PEA15: variants seen among roughly 807,000 people sequenced by gnomAD.
PEA15 encodes astrocytic phosphoprotein PEA-15.
For missense variants in PEA15, 77 were observed against 161.3 expected (o/e 0.48, Z 2.83); for synonymous variants, 60 against 61.8 (o/e 0.97, Z 0.13).
rs1803942 is a variant in PEA15 at position 160,214,150 on chromosome 1, C to G, written c.*664C>G. The G allele has an allele frequency of 0.069, 10,650 of 154,504 alleles. 1,282 individuals carry two copies. Among genetic ancestry groups the G allele is most frequent in the African/African-American group, 0.24 (10,081 of 41,434 alleles). 9.6% of individuals were successfully genotyped at this position (154,504 alleles called of 1,614,324 possible). A position where few individuals can be genotyped will look rare whatever the true frequency, so the allele number is the denominator to read the frequency against. On this transcript the variant is annotated 3_prime_UTR_variant, in exon 4 of 4. Transcript: ENST00000360472. ...CCCACCCACCTGTACTCTGGAGAGA[C>G]TGTGCTGGGAACATGTACCACTGAG...
In PEA15 at chr1:160,213,748, G is replaced by C. The variant is rs1255306230; in HGVS notation, c.*262G>C. The C allele has an allele frequency of 8.4e-6, 4 of 474,218 alleles. No individual in the cohort carries two copies. The East Asian group carries it at 1.1e-4, about 14-fold the overall frequency. 29.4% of individuals were successfully genotyped at this position (474,218 alleles called of 1,614,324 possible). A position where few individuals can be genotyped will look rare whatever the true frequency, so the allele number is the denominator to read the frequency against. On this transcript the variant is annotated 3_prime_UTR_variant, in exon 4 of 4. Coordinates refer to ENST00000360472, the MANE Select transcript of PEA15 (RefSeq NM_003768.5). This position sits in a 1 kb window ranked among gnomAD's most constrained non-coding sequence, Gnocchi z 5.3. ...AGTTTCCCCACTTTAGGAGGAGGTG[G>C]GGGCTATTTCTATGCAAATAGAAAT...
rs1654992512 is a variant in PEA15, at chr1:160,214,046, G to A, written c.*560G>A. On this transcript the variant is annotated 3_prime_UTR_variant, in exon 4 of 4. Coordinates refer to ENST00000360472, the MANE Select transcript of PEA15 (RefSeq NM_003768.5). ...AGCAGGTCCCTTTTTGTCTCTCATG[G>A]GCCTAGCATAGGTATGAGCCAGGGA... is the stretch of plus-strand genomic sequence containing the variant. 6.2e-6 allele frequency: 1 copy of A among 161,294 alleles called. No homozygotes were observed. Among genetic ancestry groups the A allele is most frequent in the African/African-American group, 2.4e-5 (1 of 41,446 alleles). The allele number at this position is 161,294 out of a possible 1,614,324, so 10.0% of individuals were successfully genotyped here.
intron 2 of PEA15, 92 bp downstream of exon 2, chr1:160,211,808 A>G: frequency 8.1e-7 from 1 of 1,229,332 alleles, no homozygotes; most frequent in South Asian, 1.4e-5. Context: ...TTACATCCAC[A>G]ATGTGTACCC....
intron 1 of PEA15, among the ~76,000 whole-genome samples, chr1:160,209,559 T>C (rs964871248): frequency 9.9e-5 from 15 of 152,034 alleles, no homozygotes; most frequent in African/African-American, 3.1e-4. Flanking sequence ...ATGCACTCTT[T>C]CCTCCCGCAG....
At chr1:160,211,456 T>C in intron 1 of PEA15, 87 bp from the exon 2 acceptor site, 2 of 1,423,682 alleles carry the variant, frequency 1.4e-6, no homozygotes, top group Non-Finnish European at 1.9e-6. Flanking sequence ...TAGGGCAGAG[T>C]GGGGAGTAGG....
chr1:160,208,704 C>T lies in PEA15; in HGVS notation c.-2-2839C>T. On this transcript the variant is annotated intron_variant, in intron 1 of 3. Transcript: ENST00000360472. This position sits in a 1 kb window ranked among gnomAD's most constrained non-coding sequence, Gnocchi z 4.1. ...TCAGTGAGAATTGAGAGCAGTTCCCCTAAACAACACTCCCTTTGCTTCTTC... is the reference window on the plus strand; with the variant it reads ...TCAGTGAGAATTGAGAGCAGTTCCCTTAAACAACACTCCCTTTGCTTCTTC... 6.7e-7 allele frequency: 1 copy of T among 1,483,744 alleles called. No homozygotes were observed. Among genetic ancestry groups the T allele is most frequent in the Non-Finnish European group, 9.2e-7 (1 of 1,086,204 alleles). 91.9% of individuals were successfully genotyped at this position (1,483,744 alleles called of 1,614,324 possible). A position where few individuals can be genotyped will look rare whatever the true frequency, so the allele number is the denominator to read the frequency against.
At position 160,213,051 on chromosome 1, in the gene PEA15, G is replaced by A; in HGVS notation, c.173-59G>A. 3.2e-6 allele frequency: 5 copies of A among 1,575,376 alleles called. No individual in the cohort carries two copies. In the South Asian group the frequency reaches 4.5e-5, roughly 14 times the overall value. On this transcript the variant is annotated intron_variant, in intron 2 of 3. Transcript: ENST00000360472. The surrounding 1 kb of genome is among the most constrained non-coding windows in gnomAD (Gnocchi z 5.3). ...TTGGTTCCAGGTCACTAGTCTGGTGGAGTAGGGGAAGCTGACCTCTACAGC... is the reference window on the plus strand; with the variant it reads ...TTGGTTCCAGGTCACTAGTCTGGTGAAGTAGGGGAAGCTGACCTCTACAGC...
Position 160,208,567 on chromosome 1 carries a change from G to T in PEA15, c.-2-2976G>T, listed in dbSNP as rs1197081684. The T allele has an allele frequency of 2.0e-6, 3 of 1,532,358 alleles. No homozygotes were observed. Among genetic ancestry groups the T allele is most frequent in the East Asian group, 2.4e-5 (1 of 40,858 alleles). 94.9% of individuals were successfully genotyped at this position (1,532,358 alleles called of 1,614,324 possible). On this transcript the variant is annotated intron_variant, in intron 1 of 3. Coordinates refer to ENST00000360472, the MANE Select transcript of PEA15 (RefSeq NM_003768.5). This position sits in a 1 kb window ranked among gnomAD's most constrained non-coding sequence, Gnocchi z 4.1. ...GCCCAGAGAGCAGATTTCTCCACGAGCCCTAAGGAAATCTGAATCTCTGGT... is the reference window on the plus strand; with the variant it reads ...GCCCAGAGAGCAGATTTCTCCACGATCCCTAAGGAAATCTGAATCTCTGGT...
At chr1:160,211,846 T>C (rs1654887574) in intron 2 of PEA15, 130 bp downstream of exon 2, 2 of 780,136 alleles carry the variant, frequency 2.6e-6, no homozygotes, top group South Asian at 4.6e-5. Flanking sequence ...AGAGAGGTGC[T>C]CTAAGAGTAT....
rs8192601 is a variant in PEA15 at position 160,205,563 on chromosome 1, A to G, written c.-3+41A>G. On this transcript the variant is annotated intron_variant, in intron 1 of 3. Transcript: ENST00000360472. The surrounding 1 kb of genome is among the most constrained non-coding windows in gnomAD (Gnocchi z 5.9). ...AGGAGACATGTCGCGGGGAAGGGGC[A>G]GATTTCGGGGTCTAGGCTTGGAGGG... 0.011 allele frequency: 1,754 copies of G among 154,706 alleles called. 19 individuals are homozygous for G. The highest frequency in any genetic ancestry group is 0.019 in the Non-Finnish European group (1,331 of 69,286). 9.6% of individuals were successfully genotyped at this position (154,706 alleles called of 1,614,324 possible).
chr1:160,211,345 G>GC (rs1301762153), intron 1 of PEA15, 198 bp from the exon 2 acceptor site: 4 of 1,272,928 alleles, frequency 3.1e-6, no homozygotes, highest in Non-Finnish European at 4.0e-6. Flanking sequence ...CTCCAGCCTG[G>GC]CTCCTAGCTT....
At chr1:160,211,008 A>G (rs1654854876) in intron 1 of PEA15, among the ~76,000 whole-genome samples, 1 of 152,180 alleles carries the variant, frequency 6.6e-6, no homozygotes, top group African/African-American at 2.4e-5. Flanking sequence ...AGTTGAAGTG[A>G]GGGACCCCTT....
rs899748157 is a variant in PEA15 at position 160,208,270 on chromosome 1, TC to T, written c.-3+2752del. 43 of 343,346 alleles carry T rather than the reference TC, an allele frequency of 1.3e-4. No homozygotes were observed. Among genetic ancestry groups the T allele is most frequent in the African/African-American group, 8.5e-4 (41 of 48,112 alleles). The allele number at this position is 343,346 out of a possible 1,614,324, so 21.3% of individuals were successfully genotyped here. On this transcript the variant is annotated intron_variant, in intron 1 of 3. Coordinates refer to ENST00000360472, the MANE Select transcript of PEA15 (RefSeq NM_003768.5). The surrounding 1 kb of genome is among the most constrained non-coding windows in gnomAD (Gnocchi z 4.1). Reference sequence around the variant, plus strand: ...AATGGTCCTTACCTCCTGCCCCTCTTCCCCAGCATCCTCAGTTGGTTTGACC... The same window carrying T: ...AATGGTCCTTACCTCCTGCCCCTCTTCCCAGCATCCTCAGTTGGTTTGACC...
At chr1:160,210,254 C>T (rs967142655) in intron 1 of PEA15, among the ~76,000 whole-genome samples, 1 of 152,234 alleles carries the variant, frequency 6.6e-6, no homozygotes, top group African/African-American at 2.4e-5. Flanking sequence ...GGGTGATTTG[C>T]AGGCAGCCTC....
chr1:160,205,406 GC>G lies in PEA15; in HGVS notation c.-118del. On this transcript the variant is annotated 5_prime_UTR_variant, in exon 1 of 4. Transcript: ENST00000360472. This position sits in a 1 kb window ranked among gnomAD's most constrained non-coding sequence, Gnocchi z 5.9. Reference sequence around the variant, plus strand: ...TCCGGCTCCGCGGGCGGAAGAGGCGGCGGCGGCGGCAGAAGCGGCGGCGGCG... The same window carrying G: ...TCCGGCTCCGCGGGCGGAAGAGGCGGGGCGGCGGCAGAAGCGGCGGCGGCG... The G allele has an allele frequency of 5.6e-6, 1 of 179,044 alleles. No homozygotes were observed. The highest frequency in any genetic ancestry group is 1.2e-4 in the South Asian group (1 of 8,374). The allele number at this position is 179,044 out of a possible 1,614,324, so 11.1% of individuals were successfully genotyped here.
chr1:160,212,995 C>T (rs1175167494), intron 2 of PEA15, 115 bp from the exon 3 acceptor site: 6 of 1,001,446 alleles, frequency 6.0e-6, no homozygotes, highest in Non-Finnish European at 9.4e-6. Flanking sequence ...CAGTGTTGTA[C>T]CCTCCCATAA....
intron 1 of PEA15, among the ~76,000 whole-genome samples, chr1:160,209,772 T>C (rs1288144504): frequency 6.6e-6 from 1 of 152,056 alleles, no homozygotes; most frequent in Non-Finnish European, 1.5e-5. Flanking sequence ...CCCCTCCCCA[T>C]CATCCCCCTC....
chr1:160,208,696 CAGTTCCCCTAAACA>C lies in PEA15; in HGVS notation c.-2-2845_-2-2832del. The C allele has an allele frequency of 6.6e-7, 1 of 1,525,988 alleles. No homozygotes were observed. Among genetic ancestry groups the C allele is most frequent in the Non-Finnish European group, 8.9e-7 (1 of 1,124,668 alleles). The allele number at this position is 1,525,988 out of a possible 1,614,324, so 94.5% of individuals were successfully genotyped here. A position where few individuals can be genotyped will look rare whatever the true frequency, so the allele number is the denominator to read the frequency against. On this transcript the variant is annotated intron_variant, in intron 1 of 3. Coordinates refer to ENST00000360472, the MANE Select transcript of PEA15 (RefSeq NM_003768.5). The surrounding 1 kb of genome is among the most constrained non-coding windows in gnomAD (Gnocchi z 4.1). ...ACTGTTGATCAGTGAGAATTGAGAG[CAGTTCCCCTAAACA>C]ACACTCCCTTTGCTTCTTCTGCCAT...
In PEA15 at chr1:160,208,642, C is replaced by A. The variant is rs926194050; in HGVS notation, c.-2-2901C>A. 1 of 1,550,402 alleles carries A rather than the reference C, an allele frequency of 6.4e-7. No homozygotes were observed. The highest frequency in any genetic ancestry group is 1.4e-5 in the African/African-American group (1 of 73,032). ...GGAAACAAGCTCTGCCAAGCCCCACCATGGCCAGGCCAGACCAGCCCAGGT... is the reference window on the plus strand; with the variant it reads ...GGAAACAAGCTCTGCCAAGCCCCACAATGGCCAGGCCAGACCAGCCCAGGT... On this transcript the variant is annotated intron_variant, in intron 1 of 3. Transcript: ENST00000360472. The surrounding 1 kb of genome is among the most constrained non-coding windows in gnomAD (Gnocchi z 4.1).
Sources: gnomAD v4.1 joint callset for allele counts (sites outside exome capture counted in the v4.1 genomes callset) on GRCh38, gnomAD v4.1.1 for gene constraint, Gnocchi (gnomAD v3.1) non-coding constraint, MANE v1.5 for transcripts, NCBI Gene and HGNC (gene_info 2026-07-23, HGNC 2026-07-21) for gene names.